The following R3HDM1 variants were observed in gnomAD, a reference collection of about 807,000 sequenced individuals.
R3HDM1 encodes the protein R3H domain-containing protein 1.
In R3HDM1, 46 loss-of-function variants were observed where a neutral mutation model predicts 141.1. The observed-to-expected ratio is 0.33, with a 90% confidence interval of 0.26 to 0.42. R3HDM1 has a LOEUF of 0.42. Ranked by LOEUF, R3HDM1 falls within the 10% of genes least tolerant of loss-of-function variation. R3HDM1 has a pLI of 1.00. For missense variants in R3HDM1, 1,184 were observed against 1,368.3 expected (o/e 0.87, Z 2.12); for synonymous variants, 435 against 472.9 (o/e 0.92, Z 1.04).
At chr2:135,586,588 T>A in intron 1 of R3HDM1, 1 of 522,602 alleles carries the variant, frequency 1.9e-6, no homozygotes, top group Non-Finnish European at 2.5e-6. Context: ...AGTACCATAA[T>A]TTTTGTTAGA....
intron 1 of R3HDM1, among the ~76,000 whole-genome samples, chr2:135,567,479 C>T (rs78359363): frequency 0.01 from 1,575 of 152,292 alleles, 25 homozygotes; most frequent in African/African-American, 0.036. Context: ...GGGCTTACTG[C>T]TTGACCAATG....
chr2:135,667,174 G>T, intron 19 of R3HDM1: 2 of 979,128 alleles, frequency 2.0e-6, no homozygotes, highest in South Asian at 4.7e-5. Flanking sequence ...ATACTTTTGT[G>T]CTGAGCACTG....
chr2:135,620,422 C>T, intron 5 of R3HDM1: 2 of 898,698 alleles, frequency 2.2e-6, no homozygotes, highest in Non-Finnish European at 2.7e-6. Context: ...TTGCCAGTGT[C>T]TTTGGTAAAC....
chr2:135,579,017 T>C (rs1482251927), intron 1 of R3HDM1, among the ~76,000 whole-genome samples: 1 of 152,174 alleles, frequency 6.6e-6, no homozygotes, highest in Non-Finnish European at 1.5e-5. Context: ...CATACACATA[T>C]TCCCGAGCTC....
intron 21 of R3HDM1, among the ~76,000 whole-genome samples, chr2:135,699,872 A>G (rs2073978991): frequency 6.6e-6 from 1 of 152,212 alleles, no homozygotes; most frequent in African/African-American, 2.4e-5. Context: ...ACATGGGAAA[A>G]TGTTGTCTTA....
chr2:135,638,561 T>G, intron 11 of R3HDM1, 57 bp from the exon 12 acceptor site: 1 of 1,498,120 alleles, frequency 6.7e-7, no homozygotes, highest in Non-Finnish European at 9.3e-7. Flanking sequence ...GGTTTACAGA[T>G]GGCATTACGT....
At chr2:135,621,820 C>T in intron 6 of R3HDM1, 1 of 982,670 alleles carries the variant, frequency 1.0e-6, no homozygotes, top group Non-Finnish European at 1.2e-6. Context: ...CAACACATAA[C>T]AGACGTTGAG....
chr2:135,600,103 A>ATTTTTTTTTTTTTTTTTTTTTTTT (rs1047714227), intron 1 of R3HDM1, among the ~76,000 whole-genome samples: 2 of 93,476 alleles, frequency 2.1e-5, no homozygotes, highest in African/African-American at 9.3e-5. Context: ...AGTTCGTATG[A>ATTTTTTTTTTTTTTTTTTTTTTTT]TTTTTTTTTT....
intron 21 of R3HDM1, among the ~76,000 whole-genome samples, chr2:135,687,557 A>T (rs2071570876): frequency 1.3e-5 from 2 of 150,518 alleles, no homozygotes; most frequent in South Asian, 4.5e-4. Context: ...ACTTCTCCAA[A>T]AAGCAAGTAT....
chr2:135,626,209 G>GTGCGTGCT (rs1553576639), intron 7 of R3HDM1, among the ~76,000 whole-genome samples: 29 of 143,326 alleles, frequency 2.0e-4, no homozygotes, highest in Admixed American at 1.8e-3. Context: ...GCGTGCGTGC[G>GTGCGTGCT]TGCTTGCTTG....
chr2:135,651,995 T>G lies in R3HDM1; in HGVS notation c.1991T>G (p.Leu664Arg). ...GGTCATCCTGTCAGCCAGCCTGTGC[T>G]CCAGCAGCAGGGATATATTCAGCAG... ...ASGHPVSQPV[L>R]QQQGYIQQPS... Residue 664 changes from leucine (L) to arginine (R), a missense_variant, in exon 18 of 27, where the codon CTC becomes CGC. Coordinates refer to ENST00000683871, the MANE Select transcript of R3HDM1 (RefSeq NM_001378107.1). 6.2e-7 allele frequency: 1 copy of G among 1,608,262 alleles called. No individual in the cohort carries two copies. Among genetic ancestry groups the G allele is most frequent in the Non-Finnish European group, 8.5e-7 (1 of 1,176,630 alleles).
intron 19 of R3HDM1, 138 bp from the exon 20 acceptor site, chr2:135,675,194 A>G (rs551216032): frequency 2.5e-6 from 2 of 814,962 alleles, no homozygotes; most frequent in African/African-American, 1.7e-5. Flanking sequence ...GTTATTTCAT[A>G]ATAGATGGTT....
intron 1 of R3HDM1, among the ~76,000 whole-genome samples, chr2:135,553,306 A>AGT (rs1217669971): frequency 6.6e-5 from 10 of 152,240 alleles, no homozygotes; most frequent in Non-Finnish European, 1.2e-4. Context: ...ACTGAAATGA[A>AGT]GTACAACCCT....
At chr2:135,693,908 G>A (rs933679383) in intron 21 of R3HDM1, among the ~76,000 whole-genome samples, 2 of 152,116 alleles carry the variant, frequency 1.3e-5, no homozygotes, top group Non-Finnish European at 2.9e-5. Flanking sequence ...GGGAGGCTGA[G>A]ACAGGAGAAT....
chr2:135,663,734 A>G (rs2105313829), intron 19 of R3HDM1, among the ~76,000 whole-genome samples: 1 of 152,228 alleles, frequency 6.6e-6, no homozygotes, highest in South Asian at 2.1e-4. Context: ...TTTATGTCAA[A>G]ACTTGCAGAA....
chr2:135,661,452 C>T lies in R3HDM1; in HGVS notation c.2152+59C>T, dbSNP rs2066696373. ...CCACACTTTTTTCCATCTTCTATTTCAGTGTTGCTCTTAAGATAGTACCTA... is the reference window on the plus strand; with the variant it reads ...CCACACTTTTTTCCATCTTCTATTTTAGTGTTGCTCTTAAGATAGTACCTA... On this transcript the variant is annotated intron_variant, in intron 19 of 26. Coordinates refer to ENST00000683871, the MANE Select transcript of R3HDM1 (RefSeq NM_001378107.1). 1.9e-6 allele frequency: 3 copies of T among 1,570,788 alleles called. No homozygotes were observed. The South Asian group carries it at 3.3e-5, about 18-fold the overall frequency.
intron 11 of R3HDM1, 101 bp from the exon 12 acceptor site, chr2:135,638,517 T>C: frequency 8.2e-7 from 1 of 1,225,480 alleles, no homozygotes; most frequent in Non-Finnish European, 1.2e-6. Flanking sequence ...ATTTTTAACT[T>C]ACATTATTAC....
intron 1 of R3HDM1, among the ~76,000 whole-genome samples, chr2:135,599,406 A>G (rs2059443238): frequency 6.6e-6 from 1 of 152,168 alleles, no homozygotes; most frequent in South Asian, 2.1e-4. Context: ...TATATACTTG[A>G]ATGTCTATAT....
At chr2:135,591,247 G>A (rs903999061) in intron 1 of R3HDM1, among the ~76,000 whole-genome samples, 1 of 152,110 alleles carries the variant, frequency 6.6e-6, no homozygotes, top group Admixed American at 6.5e-5. Context: ...TTTAAGACCT[G>A]TAAAGGATTT....
Sources: allele counts gnomAD v4.1 joint callset (sites outside exome capture counted in the v4.1 genomes callset), GRCh38; gene constraint gnomAD v4.1.1; transcripts MANE v1.5; gene names NCBI Gene and HGNC (gene_info 2026-07-23, HGNC 2026-07-21).